SYNCRIP: variants seen among roughly 807,000 people sequenced by gnomAD.
SYNCRIP encodes heterogeneous nuclear ribonucleoprotein Q.
Under a neutral mutation model 68.9 loss-of-function variants are expected in SYNCRIP, and 9 were observed. The observed-to-expected ratio is 0.13, with a 90% CI of 0.08 to 0.23. SYNCRIP has a LOEUF of 0.23. SYNCRIP is among the 10% of genes least tolerant of loss of function. The probability of loss-of-function intolerance (pLI) is 1.00; values close to 1 mark genes in which losing one functional copy is unlikely to be tolerated. For synonymous variants in SYNCRIP, 258 were observed against 254.0 expected (o/e 1.02, Z -0.15); for missense variants, 414 against 770.6 (o/e 0.54, Z 5.48).
rs1808548549 is a variant in SYNCRIP, at chr6:85,637,069, T to C, written c.564A>G (p.Ile188Met). Residue 188 changes from isoleucine (I) to methionine (M), a missense_variant, in exon 6 of 11, where the codon ATA becomes ATG. Physicochemically the swap from Ile to Met is conservative, Grantham distance 10 (BLOSUM62 1). Coordinates refer to ENST00000369622, the MANE Select transcript of SYNCRIP (RefSeq NM_006372.5). ...GATCCATCATTAGACGAAGATCCCA[T>C]ATAGGTCCAGCTTTCTCAAATAATG... ...LVPLFEKAGP[I>M]WDLRLMMDPL... 2.5e-6 allele frequency: 4 copies of C among 1,614,012 alleles called. No individual in the cohort carries two copies. The highest frequency in any genetic ancestry group is 1.1e-5 in the South Asian group (1 of 91,058).
chr6:85,616,111 A>C (rs532429861), intron 10 of SYNCRIP, among the ~76,000 whole-genome samples: 1 of 152,322 alleles, frequency 6.6e-6, no homozygotes, highest in East Asian at 1.9e-4. Context: ...AGTGATTAGA[A>C]AGCAACCACA....
downstream of SYNCRIP, chr6:85,612,976 GT>G: frequency 6.5e-7 from 1 of 1,533,506 alleles, no homozygotes; most frequent in South Asian, 1.2e-5. Flanking sequence ...AATTAATAAT[GT>G]GTACATACAT....
rs892979635 is a variant in SYNCRIP, at chr6:85,641,578, G to C, written c.-12-127C>G. On this transcript the variant is annotated intron_variant, in intron 1 of 10. Transcript: ENST00000369622. ...CTAGCCTATACCTCCCTTTAAAAAA[G>C]CCTTACAGTCACTATCGCCTGACAA... The C allele has an allele frequency of 1.8e-5, 17 of 920,054 alleles. No homozygotes were observed. The African/African-American group carries it at 2.3e-4, about 13-fold the overall frequency. The allele number at this position is 920,054 out of a possible 1,614,324, so 57.0% of individuals were successfully genotyped here.
chr6:85,642,402 C>G lies in SYNCRIP; in HGVS notation c.-13+395G>C, dbSNP rs2128306811. Among the ~76,000 whole-genome samples, 2 of 152,318 alleles carry G rather than the reference C, an allele frequency of 1.3e-5. 1 individual carries two copies. Among genetic ancestry groups the G allele is most frequent in the Middle Eastern group, 6.8e-3 (2 of 292 alleles). On this transcript the variant is annotated intron_variant, in intron 1 of 10. Coordinates refer to ENST00000369622, the MANE Select transcript of SYNCRIP (RefSeq NM_006372.5). ...AACCCAGCAGCGTGAGGGCGTTCAG[C>G]GGACGGCTCAACGCCCGCGGGACCG...
At chr6:85,635,828 T>C (rs1490732434) in intron 6 of SYNCRIP, among the ~76,000 whole-genome samples, 1 of 150,856 alleles carries the variant, frequency 6.6e-6, no homozygotes, top group Non-Finnish European at 1.5e-5. Context: ...TTTATTTTTC[T>C]CTTTAAGGCT....
At chr6:85,641,880 G>A (rs1809204222) in intron 1 of SYNCRIP, among the ~76,000 whole-genome samples, 1 of 152,126 alleles carries the variant, frequency 6.6e-6, no homozygotes, top group Non-Finnish European at 1.5e-5. Context: ...AACAGCCAGC[G>A]AAGAACAAAG....
At chr6:85,639,419 T>C (rs1808867127) in intron 4 of SYNCRIP, among the ~76,000 whole-genome samples, 2 of 152,238 alleles carry the variant, frequency 1.3e-5, no homozygotes, top group African/African-American at 4.8e-5. Context: ...CACAGCTAGA[T>C]CTGTGAAAGC....
rs945790703 is a variant in SYNCRIP, at chr6:85,614,546, G to C, written c.*210C>G. 2 of 1,277,352 alleles carry C rather than the reference G, an allele frequency of 1.6e-6. No individual in the cohort carries two copies. The highest frequency in any genetic ancestry group is 3.1e-5 in the African/African-American group (2 of 64,894). 79.1% of individuals were successfully genotyped at this position (1,277,352 alleles called of 1,614,324 possible). ...ATTAACTATTTCTTTCAGTATCTAA[G>C]AATATCTTTATTGAAAAAAATTAAA... On this transcript the variant is annotated 3_prime_UTR_variant, in exon 11 of 11. Transcript: ENST00000369622.
chr6:85,631,425 G>C (rs933127787), intron 6 of SYNCRIP, among the ~76,000 whole-genome samples: 5 of 151,674 alleles, frequency 3.3e-5, no homozygotes, highest in African/African-American at 1.2e-4. Context: ...AAAGAGGTAA[G>C]AAGGAACTTG....
At chr6:85,636,451 G>T (rs1290370295) in intron 6 of SYNCRIP, among the ~76,000 whole-genome samples, 5 of 151,240 alleles carry the variant, frequency 3.3e-5, no homozygotes, top group Admixed American at 6.6e-5. Flanking sequence ...AAAAAAAAAA[G>T]AAAAGAAAAA....
At chr6:85,622,004 G>A (rs1263575624) in intron 8 of SYNCRIP, among the ~76,000 whole-genome samples, 2 of 152,088 alleles carry the variant, frequency 1.3e-5, no homozygotes, top group Non-Finnish European at 2.9e-5. Flanking sequence ...CAGGCACATG[G>A]TATTTCCAGT....
At chr6:85,634,553 C>T (rs547618884) in intron 6 of SYNCRIP, among the ~76,000 whole-genome samples, 31 of 151,730 alleles carry the variant, frequency 2.0e-4, no homozygotes, top group Non-Finnish European at 3.7e-4. Context: ...ACATAACCTA[C>T]GAACATTCTC....
chr6:85,626,413 G>C (rs1807036215), intron 6 of SYNCRIP, among the ~76,000 whole-genome samples: 1 of 151,906 alleles, frequency 6.6e-6, no homozygotes, highest in African/African-American at 2.4e-5. Flanking sequence ...TACCAAGTGT[G>C]TAAAGGCAAA....
At chr6:85,621,833 A>G (rs1806446384) in intron 8 of SYNCRIP, among the ~76,000 whole-genome samples, 1 of 152,160 alleles carries the variant, frequency 6.6e-6, no homozygotes, top group South Asian at 2.1e-4. Context: ...CCCCAAAACC[A>G]TGTAAACTAA....
At chr6:85,632,905 A>AG (rs1554187162) in intron 6 of SYNCRIP, among the ~76,000 whole-genome samples, 1 of 152,104 alleles carries the variant, frequency 6.6e-6, no homozygotes, top group Non-Finnish European at 1.5e-5. Flanking sequence ...ACTGCACTCC[A>AG]GCAAGGGCAA....
intron 6 of SYNCRIP, among the ~76,000 whole-genome samples, chr6:85,633,289 T>C (rs935494689): frequency 5.9e-5 from 8 of 136,330 alleles, no homozygotes; most frequent in African/African-American, 2.5e-4. Flanking sequence ...AATAAATAAA[T>C]AAAATAAACA....
intron 4 of SYNCRIP, among the ~76,000 whole-genome samples, chr6:85,639,201 C>G (rs1246884221): frequency 6.6e-6 from 1 of 152,004 alleles, no homozygotes; most frequent in African/African-American, 2.4e-5. Flanking sequence ...GAGTAAGACT[C>G]TGTCTCCCAA....
chr6:85,635,440 T>C (rs1413097415), intron 6 of SYNCRIP, among the ~76,000 whole-genome samples: 1 of 152,080 alleles, frequency 6.6e-6, no homozygotes, highest in Non-Finnish European at 1.5e-5. Context: ...CATACTCAAT[T>C]ATGCAAACCA....
At chr6:85,639,598 C>A (rs1460376557) in intron 4 of SYNCRIP, among the ~76,000 whole-genome samples, 1 of 152,142 alleles carries the variant, frequency 6.6e-6, no homozygotes, top group African/African-American at 2.4e-5. Context: ...ACAAAGCACA[C>A]CAGGTTAAAA....
Sources: allele counts gnomAD v4.1 joint callset (sites outside exome capture counted in the v4.1 genomes callset), GRCh38; gene constraint gnomAD v4.1.1; transcripts MANE v1.5; gene names NCBI Gene and HGNC (gene_info 2026-07-23, HGNC 2026-07-21).